FGD5: variants seen among roughly 807,000 people sequenced by gnomAD.
FGD5 encodes FYVE, RhoGEF and PH domain containing 5.
In FGD5, 28 loss-of-function variants were observed where a neutral mutation model predicts 133.4. That is an observed-to-expected ratio of 0.21 (90% CI 0.16 to 0.29). The LOEUF (loss-of-function observed/expected upper bound fraction) is 0.29, where lower values mean the gene tolerates loss of function less well. Ranked by LOEUF, FGD5 falls within the 10% of genes least tolerant of loss-of-function variation. FGD5 has a pLI of 1.00. For synonymous variants in FGD5, 810 were observed against 776.5 expected, an observed-to-expected ratio of 1.04 and a Z score of -0.72; for missense variants, 1,858 against 1,895.2, an observed-to-expected ratio of 0.98 and a Z score of 0.36.
chr3:14,919,414 C>T (rs904554764), intron 13 of FGD5, among the ~76,000 whole-genome samples: 17 of 152,188 alleles, frequency 1.1e-4, no homozygotes, highest in South Asian at 4.2e-4. Flanking sequence ...GTCACAAGAT[C>T]GAGGCCATCC....
In FGD5 at chr3:14,866,297, G is replaced by A. The variant is rs185509274; in HGVS notation, c.2658+2037G>A. On this transcript the variant is annotated intron_variant, in intron 2 of 19. Coordinates refer to ENST00000285046, the MANE Select transcript of FGD5 (RefSeq NM_152536.4). ...TGAGAGTGCCGGCCATACAATAGGG[G>A]TGTAGTAATTATCTGTTGTTTCTGA... 7.9e-5 allele frequency among the ~76,000 whole-genome samples: 12 copies of A among 152,340 alleles called. No homozygotes were observed. The East Asian group carries it at 1.9e-3, about 24-fold the overall frequency.
upstream of FGD5, among the ~76,000 whole-genome samples, chr3:14,816,814 A>G (rs1341793737): frequency 2.0e-5 from 3 of 152,210 alleles, no homozygotes; most frequent in Middle Eastern, 3.2e-3. Flanking sequence ...TGGCCTGGGC[A>G]TTGATGTGGA....
rs2036454006 is a variant in FGD5, at chr3:14,820,136, C to T, written c.1065C>T (p.Thr355=). ...ATGAGTTCTTCCCAACTGAGAGCAC[C>T]TCTTTTTGCAGCGAGAGCTGTTCTC... ...SPYEFFPTES[T]SFCSESCSPL... The change falls in exon 1 of 20, where the codon ACC becomes ACT. Residue 355 remains threonine, a synonymous_variant. Coordinates refer to ENST00000285046, the MANE Select transcript of FGD5 (RefSeq NM_152536.4). 1 of 1,613,954 alleles carries T rather than the reference C, an allele frequency of 6.2e-7. No homozygotes were observed. Among genetic ancestry groups the T allele is most frequent in the South Asian group, 1.1e-5 (1 of 91,092 alleles).
intron 2 of FGD5, among the ~76,000 whole-genome samples, chr3:14,870,652 G>A (rs1372863447): frequency 2.0e-5 from 3 of 152,060 alleles, no homozygotes; most frequent in Non-Finnish European, 2.9e-5. Flanking sequence ...TGCCCTCTTC[G>A]CCGGCAGCCC....
chr3:14,868,974 G>T (rs945466092), intron 2 of FGD5, among the ~76,000 whole-genome samples: 1 of 152,080 alleles, frequency 6.6e-6, no homozygotes, highest in Non-Finnish European at 1.5e-5. Flanking sequence ...TCCTAAGATG[G>T]GATTAGGTGG....
intron 1 of FGD5, among the ~76,000 whole-genome samples, chr3:14,850,482 G>A (rs2037138160): frequency 6.6e-6 from 1 of 152,224 alleles, no homozygotes; most frequent in African/African-American, 2.4e-5. Context: ...GCGTGAGCCA[G>A]GTACTGTGTT....
chr3:14,875,551 G>A (rs1270473018), intron 2 of FGD5, among the ~76,000 whole-genome samples: 3 of 152,306 alleles, frequency 2.0e-5, no homozygotes, highest in African/African-American at 4.8e-5. Flanking sequence ...ACAGCCCTGA[G>A]CTGAGCCACA....
intron 2 of FGD5, among the ~76,000 whole-genome samples, chr3:14,865,119 A>ACCCCCCCCCCCCC (rs1216267069): frequency 2.8e-5 from 4 of 140,740 alleles, no homozygotes; most frequent in African/African-American, 8.0e-5. Context: ...CCCCCACCCA[A>ACCCCCCCCCCCCC]CCCACCCATC....
rs992276459 is a variant in FGD5 at position 14,923,330 on chromosome 3, A to G, written c.3937+155A>G. On this transcript the variant is annotated intron_variant, in intron 16 of 19. Coordinates refer to ENST00000285046, the MANE Select transcript of FGD5 (RefSeq NM_152536.4). ...GGGAGGAAACAGAGGTTCGGGCACCATTTTCCAATATGTGGATTCTGTGGA... is the reference window on the plus strand; with the variant it reads ...GGGAGGAAACAGAGGTTCGGGCACCGTTTTCCAATATGTGGATTCTGTGGA... 3.9e-6 allele frequency: 4 copies of G among 1,013,766 alleles called. No individual in the cohort carries two copies. In the Admixed American group the frequency reaches 8.7e-5, roughly 22 times the overall value. The allele number at this position is 1,013,766 out of a possible 1,614,324, so 62.8% of individuals were successfully genotyped here. A position where few individuals can be genotyped will look rare whatever the true frequency, so the allele number is the denominator to read the frequency against.
chr3:14,839,065 T>A (rs548419982), intron 1 of FGD5, among the ~76,000 whole-genome samples: 1 of 152,166 alleles, frequency 6.6e-6, no homozygotes, highest in East Asian at 1.9e-4. Context: ...GTTGAAAGGG[T>A]AGTGTTTGAT....
chr3:14,815,937 A>T (rs1417230328), upstream of FGD5, among the ~76,000 whole-genome samples: 3 of 152,222 alleles, frequency 2.0e-5, no homozygotes, highest in Non-Finnish European at 2.9e-5. Context: ...TGAGGGTCAG[A>T]TGAAGCCTTT....
chr3:14,839,252 C>T (rs1041661455), intron 1 of FGD5, among the ~76,000 whole-genome samples: 8 of 152,162 alleles, frequency 5.3e-5, no homozygotes, highest in African/African-American at 1.7e-4. Flanking sequence ...TCAGCCTCCT[C>T]GGCTGTAACG....
In FGD5 at chr3:14,819,269, C is replaced by T. The variant is rs181125843; in HGVS notation, c.198C>T (p.Ile66=). ...AGTCGGAGACCGACGAGGATTACAT[C>T]GTGGTCCCCAGGGTTCCGCTGAGGG... ...CSESETDEDY[I]VVPRVPLRED... Residue 66 remains isoleucine (I), a synonymous_variant, in exon 1 of 20, where the codon ATC becomes ATT. Coordinates refer to ENST00000285046, the MANE Select transcript of FGD5 (RefSeq NM_152536.4). The surrounding 1 kb of genome is among the most constrained non-coding windows in gnomAD (Gnocchi z 4.1). The T allele has an allele frequency of 1.0e-4, 158 of 1,533,834 alleles. No individual in the cohort carries two copies. In the Admixed American group the frequency reaches 2.8e-3, roughly 27 times the overall value.
chr3:14,865,191 C>T (rs961972515), intron 2 of FGD5, among the ~76,000 whole-genome samples: 8 of 149,738 alleles, frequency 5.3e-5, no homozygotes, highest in East Asian at 2.0e-4. Context: ...GCGCCCCCTT[C>T]GCCCGCTTCC....
Position 14,897,611 on chromosome 3 carries a change from G to T in FGD5, c.2851G>T (p.Ala951Ser), listed in dbSNP as rs998082206. The change falls in exon 5 of 20, where the codon GCC becomes TCC. Residue 951 changes from alanine to serine, a missense_variant. Around this residue, in one of 3 missense-constraint regions of FGD5, gnomAD observed 1,824 missense variants for 1,848.9 expected, o/e 0.99. Transcript: ENST00000285046. ...ELRQGLSELP[A>S]IHDLHQGILE... The stretch of plus-strand genomic sequence containing the variant: ...GAGGCAGGGCCTGAGTGAACTCCCA[G>T]CCATCCACGACCTTCATCAAGGCAT... The T allele has an allele frequency of 6.2e-7, 1 of 1,605,784 alleles. No homozygotes were observed. The highest frequency in any genetic ancestry group is 1.1e-5 in the South Asian group (1 of 89,086).
chr3:14,880,850 G>A (rs2037811500), intron 4 of FGD5, 78 bp downstream of exon 4: 3 of 1,549,068 alleles, frequency 1.9e-6, no homozygotes, highest in Non-Finnish European at 1.8e-6. Context: ...AAAGCAATGT[G>A]GAGACAGAGG....
At chr3:14,879,249 C>CTCTGCCAT (rs2037779680) in intron 2 of FGD5, among the ~76,000 whole-genome samples, 1 of 152,246 alleles carries the variant, frequency 6.6e-6, no homozygotes, top group Admixed American at 6.5e-5. Context: ...GTGCCCTCTG[C>CTCTGCCAT]TCTGCCATGG....
chr3:14,931,420 C>G (rs1163128285), intron 18 of FGD5: 2 of 152,176 alleles, frequency 1.3e-5, no homozygotes, highest in Non-Finnish European at 1.5e-5. Flanking sequence ...AATTCTTGGC[C>G]TCAAGCAGTC....
At position 14,917,100 on chromosome 3, in the gene FGD5, T is replaced by G; in HGVS notation, c.3406-149T>G. On this transcript the variant is annotated intron_variant, in intron 11 of 19. Coordinates refer to ENST00000285046, the MANE Select transcript of FGD5 (RefSeq NM_152536.4). This position sits in a 1 kb window ranked among gnomAD's most constrained non-coding sequence, Gnocchi z 4.1. ...TAGAGTGGCAAGGAAGGGGCTCACATTTTGGCCGCAACGTTTTTGCTCACC... is the reference window on the plus strand; with the variant it reads ...TAGAGTGGCAAGGAAGGGGCTCACAGTTTGGCCGCAACGTTTTTGCTCACC... 2 of 584,122 alleles carry G rather than the reference T, an allele frequency of 3.4e-6. No individual in the cohort carries two copies. The highest frequency in any genetic ancestry group is 3.4e-5 in the Admixed American group (1 of 29,662). The allele number at this position is 584,122 out of a possible 1,614,324, so 36.2% of individuals were successfully genotyped here. A position where few individuals can be genotyped will look rare whatever the true frequency, so the allele number is the denominator to read the frequency against.
Sources: allele counts gnomAD v4.1 joint callset (sites outside exome capture counted in the v4.1 genomes callset), GRCh38; gene constraint gnomAD v4.1.1; regional missense constraint gnomAD v4.1.1; non-coding constraint Gnocchi (gnomAD v3.1); transcripts MANE v1.5; gene names NCBI Gene and HGNC (gene_info 2026-07-23, HGNC 2026-07-21).